Variants in PCYT1A observed in about 807,000 individuals in gnomAD.
PCYT1A encodes phosphate cytidylyltransferase 1A, choline.
A neutral mutation model predicts 43.7 loss-of-function variants in PCYT1A; 25 were observed. The observed-to-expected ratio is 0.57, with a 90% CI of 0.42 to 0.80. The LOEUF is 0.80. Among genes scored for constraint, PCYT1A ranks in the 30% least tolerant of loss-of-function variants. PCYT1A has a pLI of 0.00. For missense variants in PCYT1A, 421 were observed against 474.2 expected (o/e 0.89, Z 1.04); for synonymous variants, 172 against 170.7 (o/e 1.01, Z -0.06).
At chr3:196,262,312 A>G (rs1320146436) in intron 2 of PCYT1A, among the ~76,000 whole-genome samples, 1 of 152,242 alleles carries the variant, frequency 6.6e-6, no homozygotes, top group Non-Finnish European at 1.5e-5. Context: ...ATCTTCTACA[A>G]AATAGAAAAC....
chr3:196,248,840 T>C (rs1452137958), intron 3 of PCYT1A, among the ~76,000 whole-genome samples: 1 of 151,918 alleles, frequency 6.6e-6, no homozygotes, highest in African/African-American at 2.4e-5. Context: ...CACTACAACC[T>C]GCAACTCCCG....
intron 3 of PCYT1A, among the ~76,000 whole-genome samples, chr3:196,253,786 T>C (rs1017861294): frequency 2.0e-5 from 3 of 152,168 alleles, no homozygotes; most frequent in African/African-American, 7.2e-5. Context: ...GGGGTCACTG[T>C]TGAACTAGTC....
Position 196,252,608 on chromosome 3 carries a change from A to G in PCYT1A, c.218-4285T>C, listed in dbSNP as rs1020422104. ...TTAAATTAAATATACCAATCCAATG[A>G]AAAACTAAGAATTAATTAATGGATT... is the stretch of plus-strand genomic sequence containing the variant. On this transcript the variant is annotated intron_variant, in intron 3 of 8. Transcript: ENST00000431016. This position sits in a 1 kb window ranked among gnomAD's most constrained non-coding sequence, Gnocchi z 4.0. Among the ~76,000 whole-genome samples the G allele has an allele frequency of 6.6e-6, 1 of 152,236 alleles. No individual in the cohort carries two copies. The highest frequency in any genetic ancestry group is 1.5e-5 in the Non-Finnish European group (1 of 68,044).
chr3:196,247,854 G>A lies in PCYT1A; in HGVS notation c.335-336C>T. 1 of 494,984 alleles carries A rather than the reference G, an allele frequency of 2.0e-6. No individual in the cohort carries two copies. The highest frequency in any genetic ancestry group is 2.0e-5 in the South Asian group (1 of 49,044). 30.7% of individuals were successfully genotyped at this position (494,984 alleles called of 1,614,324 possible). On this transcript the variant is annotated intron_variant, in intron 4 of 8. Coordinates refer to ENST00000431016, the MANE Select transcript of PCYT1A (RefSeq NM_001312673.2). The surrounding 1 kb of genome is among the most constrained non-coding windows in gnomAD (Gnocchi z 4.8). ...TTTCCTGTTTTATTCACACTGGACT[G>A]GACCACCTAACATTTCCTTGGCAGA...
chr3:196,248,058 G>A (rs977602836), intron 4 of PCYT1A, 149 bp downstream of exon 4: 1 of 648,964 alleles, frequency 1.5e-6, no homozygotes, highest in Admixed American at 2.4e-5. Context: ...TAGTTTGCTG[G>A]TACCCATATA....
intron 1 of PCYT1A, among the ~76,000 whole-genome samples, chr3:196,285,087 C>T (rs1277795208): frequency 6.6e-6 from 1 of 152,158 alleles, no homozygotes; most frequent in African/African-American, 2.4e-5. Flanking sequence ...CAGATTAATA[C>T]ACTGTACGAT....
chr3:196,249,118 G>A (rs1724667485), intron 3 of PCYT1A, among the ~76,000 whole-genome samples: 1 of 151,748 alleles, frequency 6.6e-6, no homozygotes, highest in East Asian at 1.9e-4. Flanking sequence ...TTTAGGGGTA[G>A]GTTGGGTTAT....
At chr3:196,280,532 T>A (rs1320227138) in intron 1 of PCYT1A, among the ~76,000 whole-genome samples, 2 of 151,928 alleles carry the variant, frequency 1.3e-5, no homozygotes, top group Non-Finnish European at 2.9e-5. Flanking sequence ...TGGTTTTTTA[T>A]TTGTACTGTT....
intron 2 of PCYT1A, among the ~76,000 whole-genome samples, chr3:196,266,249 G>C (rs1361605355): frequency 6.6e-6 from 1 of 151,546 alleles, no homozygotes; most frequent in Non-Finnish European, 1.5e-5. Flanking sequence ...GAGGCGGGCG[G>C]ATCACGAGGT....
At position 196,247,256 on chromosome 3, in the gene PCYT1A, T is replaced by A. The variant is rs984823014; in HGVS notation, c.486+111A>T. 1 of 1,086,708 alleles carries A rather than the reference T, an allele frequency of 9.2e-7. No homozygotes were observed. Among genetic ancestry groups the A allele is most frequent in the African/African-American group, 1.6e-5 (1 of 64,400 alleles). The allele number at this position is 1,086,708 out of a possible 1,614,324, so 67.3% of individuals were successfully genotyped here. A position where few individuals can be genotyped will look rare whatever the true frequency, so the allele number is the denominator to read the frequency against. On this transcript the variant is annotated intron_variant, in intron 5 of 8. Transcript: ENST00000431016. This position sits in a 1 kb window ranked among gnomAD's most constrained non-coding sequence, Gnocchi z 4.8. ...ACTGTCATCTCCTACGAAACTTACATAAGAGGTAGAAGTAAAACACGGCTA... is the reference window on the plus strand; with the variant it reads ...ACTGTCATCTCCTACGAAACTTACAAAAGAGGTAGAAGTAAAACACGGCTA...
chr3:196,272,932 G>C (rs1725477461), intron 1 of PCYT1A, among the ~76,000 whole-genome samples: 1 of 152,242 alleles, frequency 6.6e-6, no homozygotes, highest in Non-Finnish European at 1.5e-5. Context: ...CGTCCACTCA[G>C]CCTGGTAGGC....
rs180737699 is a variant in PCYT1A, at chr3:196,238,505, G to A, written c.*183C>T. ...GGTGCAGTCCCCCTCCTTCGTGTGG[G>A]TGAGTGATGTCACTTGCAGGACAGG... is the stretch of plus-strand genomic sequence containing the variant. On this transcript the variant is annotated 3_prime_UTR_variant, in exon 9 of 9. Coordinates refer to ENST00000431016, the MANE Select transcript of PCYT1A (RefSeq NM_001312673.2). The A allele has an allele frequency of 2.9e-5, 13 of 440,928 alleles. No homozygotes were observed. The East Asian group carries it at 4.3e-4, about 14-fold the overall frequency. 27.3% of individuals were successfully genotyped at this position (440,928 alleles called of 1,614,324 possible). A position where few individuals can be genotyped will look rare whatever the true frequency, so the allele number is the denominator to read the frequency against.
chr3:196,255,996 G>A (rs1724939245), intron 3 of PCYT1A, among the ~76,000 whole-genome samples: 1 of 152,076 alleles, frequency 6.6e-6, no homozygotes, highest in East Asian at 1.9e-4. Flanking sequence ...ATTTTACCCT[G>A]CCTCCAGGAG....
At chr3:196,263,534 C>T (rs1560172178) in intron 2 of PCYT1A, among the ~76,000 whole-genome samples, 1 of 151,832 alleles carries the variant, frequency 6.6e-6, no homozygotes, top group African/African-American at 2.4e-5. Context: ...TTCAATAATG[C>T]CACGGGAAAC....
chr3:196,256,594 C>T (rs1352415408), intron 3 of PCYT1A, among the ~76,000 whole-genome samples: 1 of 152,150 alleles, frequency 6.6e-6, no homozygotes, highest in Non-Finnish European at 1.5e-5. Flanking sequence ...GGCTGGAGTA[C>T]AGTGGCATGA....
At position 196,247,346 on chromosome 3, in the gene PCYT1A, AAT is replaced by A. The variant is rs1191503165; in HGVS notation, c.486+19_486+20del. The A allele has an allele frequency of 6.2e-7, 1 of 1,612,612 alleles. No homozygotes were observed. ...AGGGGATTCTGAAACAAGGAATGGGAATATGTGTCCAGTTTCTTACCCGGTGT... is the reference window on the plus strand; with the variant it reads ...AGGGGATTCTGAAACAAGGAATGGGAATGTGTCCAGTTTCTTACCCGGTGT... On this transcript the variant is annotated intron_variant, in intron 5 of 8. Coordinates refer to ENST00000431016, the MANE Select transcript of PCYT1A (RefSeq NM_001312673.2). This position sits in a 1 kb window ranked among gnomAD's most constrained non-coding sequence, Gnocchi z 4.8.
chr3:196,257,963 G>A (rs868264096), intron 2 of PCYT1A, 76 bp from the exon 3 acceptor site: 4 of 794,504 alleles, frequency 5.0e-6, no homozygotes, highest in Middle Eastern at 4.8e-4. Context: ...AAAAAAAGAT[G>A]AGAGAAAGGA....
At position 196,242,739 on chromosome 3, in the gene PCYT1A, C is replaced by T; in HGVS notation, c.487-99G>A. 2 of 804,212 alleles carry T rather than the reference C, an allele frequency of 2.5e-6. No homozygotes were observed. Among genetic ancestry groups the T allele is most frequent in the Non-Finnish European group, 2.2e-6 (1 of 451,696 alleles). 49.8% of individuals were successfully genotyped at this position (804,212 alleles called of 1,614,324 possible). A position where few individuals can be genotyped will look rare whatever the true frequency, so the allele number is the denominator to read the frequency against. The stretch of plus-strand genomic sequence containing the variant: ...CAGAAAAAGGACAATAGGCAGAGGC[C>T]AGGCCTCAGTGGACTTCATATCTCT... On this transcript the variant is annotated intron_variant, in intron 5 of 8. Coordinates refer to ENST00000431016, the MANE Select transcript of PCYT1A (RefSeq NM_001312673.2). This position sits in a 1 kb window ranked among gnomAD's most constrained non-coding sequence, Gnocchi z 4.2.
rs762145853 is a variant in PCYT1A, at chr3:196,270,471, G to GT, written c.60dup (p.Pro21ThrfsTer29). ...CCATCTTCTTCTGTTGCCCCGTTGGGTCCGGGCGCCTCTTTTCTCCTCTTC... is the reference window on the plus strand; with the variant it reads ...CCATCTTCTTCTGTTGCCCCGTTGGGTTCCGGGCGCCTCTTTTCTCCTCTTC... On this transcript the variant is annotated frameshift_variant, in exon 2 of 9. Transcript: ENST00000431016. LOFTEE classifies it high-confidence loss of function. The GT allele has an allele frequency of 6.2e-7, 1 of 1,614,052 alleles. No individual in the cohort carries two copies. The highest frequency in any genetic ancestry group is 8.5e-7 in the Non-Finnish European group (1 of 1,180,028).
Sources: gnomAD v4.1 joint callset for allele counts (sites outside exome capture counted in the v4.1 genomes callset) on GRCh38, gnomAD v4.1.1 for gene constraint, Gnocchi (gnomAD v3.1) non-coding constraint, MANE v1.5 for transcripts, NCBI Gene and HGNC (gene_info 2026-07-23, HGNC 2026-07-21) for gene names.